PANK2: variants seen among roughly 807,000 people sequenced by gnomAD.
The protein encoded by PANK2 is pantothenate kinase 2, mitochondrial.
In PANK2, 36 loss-of-function variants were observed where a neutral mutation model predicts 43.1. That is an observed-to-expected ratio of 0.84 (90% CI 0.64 to 1.10). PANK2 has a LOEUF of 1.10. Ranked by LOEUF, PANK2 falls within the 50% of genes least tolerant of loss-of-function variation. The pLI is 0.00. For synonymous variants in PANK2, 281 were observed against 238.2 expected (o/e 1.18, Z -1.66); for missense variants, 576 against 593.3 (o/e 0.97, Z 0.30).
chr20:3,912,312 T>C, intron 3 of PANK2, 146 bp from the exon 4 acceptor site: 2 of 869,422 alleles, frequency 2.3e-6, no homozygotes, highest in South Asian at 3.0e-5. Flanking sequence ...TCAGGCACCT[T>C]ATCTTTTCAC....
chr20:3,918,708 G>A lies in PANK2; in HGVS notation c.1244G>A (p.Arg415Lys). ...GTGGTATTTGTTGGAAATTTCTTGAGAATTAATACGATCGCCATGCGGCTT... is the reference window on the plus strand; with the variant it reads ...GTGGTATTTGTTGGAAATTTCTTGAAAATTAATACGATCGCCATGCGGCTT... Residue 415 changes from arginine (R) to lysine (K), a missense_variant, in exon 6 of 7, where the codon AGA (arginine) becomes AAA (lysine). Physicochemically the swap from Arg to Lys is conservative, Grantham distance 26. This residue lies in a region of PANK2 where 32 missense variants were observed against 64.3 expected (regional missense o/e 0.50). Coordinates refer to ENST00000610179, the MANE Select transcript of PANK2 (RefSeq NM_001386393.1). The A allele has an allele frequency of 1.2e-6, 2 of 1,614,218 alleles. No individual in the cohort carries two copies. Among genetic ancestry groups the A allele is most frequent in the South Asian group, 2.2e-5 (2 of 91,086 alleles).
chr20:3,893,696 A>G (rs181270708), intron 1 of PANK2, among the ~76,000 whole-genome samples: 2 of 152,224 alleles, frequency 1.3e-5, no homozygotes, highest in East Asian at 3.9e-4. Flanking sequence ...TTGTAGCTTG[A>G]CAACACTAGC....
intron 5 of PANK2, among the ~76,000 whole-genome samples, chr20:3,917,294 G>T (rs905930192): frequency 6.6e-6 from 1 of 152,016 alleles, no homozygotes; most frequent in Non-Finnish European, 1.5e-5. Context: ...TAGAGGAAGA[G>T]TGGAAGGTAG....
chr20:3,889,424 T>A lies in PANK2; in HGVS notation c.-7T>A, dbSNP rs2090072808. ...CTGCCGCGGAGGAGGCGAGAAGGAA[T>A]CCGACGCTGGGGGGCTTGCTCGGGC... On this transcript the variant is annotated 5_prime_UTR_variant, in exon 1 of 7. Coordinates refer to ENST00000610179, the MANE Select transcript of PANK2 (RefSeq NM_001386393.1). 1 of 1,568,322 alleles carries A rather than the reference T, an allele frequency of 6.4e-7. No individual in the cohort carries two copies. Among genetic ancestry groups the A allele is most frequent in the African/African-American group, 1.3e-5 (1 of 74,168 alleles).
intron 1 of PANK2, among the ~76,000 whole-genome samples, chr20:3,896,161 A>G (rs2090203680): frequency 6.7e-6 from 1 of 149,786 alleles, no homozygotes; most frequent in Admixed American, 6.7e-5. Context: ...TCCTGGGTTC[A>G]TGCCCTTTCT....
chr20:3,914,985 GT>G (rs2090535234), intron 4 of PANK2, among the ~76,000 whole-genome samples: 1 of 152,202 alleles, frequency 6.6e-6, no homozygotes, highest in Non-Finnish European at 1.5e-5. Context: ...CTATTGCTAA[GT>G]TTTTAGTTGG....
chr20:3,923,230 G>A lies in PANK2; in HGVS notation c.1333-14G>A. ...AAGGAAAATTGCACTTATTTTTGGT[G>A]TATTTTCTTTCAGGGTTATTTTGGA... On this transcript the variant is annotated splice_polypyrimidine_tract_variant and intron_variant, in intron 6 of 6. Coordinates refer to ENST00000610179, the MANE Select transcript of PANK2 (RefSeq NM_001386393.1). 6.2e-7 allele frequency: 1 copy of A among 1,614,010 alleles called. No homozygotes were observed. Among genetic ancestry groups the A allele is most frequent in the Non-Finnish European group, 8.5e-7 (1 of 1,179,910 alleles).
intron 1 of PANK2, chr20:3,890,054 T>G: frequency 5.5e-6 from 4 of 731,904 alleles, no homozygotes; most frequent in Non-Finnish European, 8.2e-6. Flanking sequence ...AAGGCTTCTT[T>G]TGACTCATTT....
intron 1 of PANK2, among the ~76,000 whole-genome samples, chr20:3,894,764 A>G (rs1457692793): frequency 6.6e-6 from 1 of 152,066 alleles, no homozygotes; most frequent in Non-Finnish European, 1.5e-5. Flanking sequence ...CTTTAAGTGG[A>G]ACCAAAGTAA....
intron 3 of PANK2, among the ~76,000 whole-genome samples, chr20:3,911,698 C>T (rs899571915): frequency 2.6e-5 from 4 of 151,472 alleles, no homozygotes; most frequent in Non-Finnish European, 5.9e-5. Flanking sequence ...TCGAGACCAG[C>T]CTGGCCAACA....
intron 1 of PANK2, chr20:3,901,542 A>C (rs2090302099): frequency 1.2e-5 from 11 of 896,906 alleles, no homozygotes; most frequent in Non-Finnish European, 1.3e-5. Flanking sequence ...TCCCTTTTCC[A>C]ACAAGACAGA....
rs2090722538 is a variant in PANK2 at position 3,926,525 on chromosome 20, G to GA, written c.*3233dup. 6.6e-6 allele frequency: 1 copy of GA among 152,382 alleles called. No individual in the cohort carries two copies. The highest frequency in any genetic ancestry group is 6.5e-5 in the Admixed American group (1 of 15,284). 9.4% of individuals were successfully genotyped at this position (152,382 alleles called of 1,614,324 possible). ...GAGGAGAGCAGCAACGGCCACACAGGAAGGCTTTGGACGTTTTTTCTCCTG... is the reference window on the plus strand; with the variant it reads ...GAGGAGAGCAGCAACGGCCACACAGGAAAGGCTTTGGACGTTTTTTCTCCTG... On this transcript the variant is annotated 3_prime_UTR_variant, in exon 7 of 7. Transcript: ENST00000610179.
rs201863444 is a variant in PANK2 at position 3,899,163 on chromosome 20, C to T, written c.299-8763C>T. ...TGCTGGGATTACAGGCGTGAGCCAC[C>T]GTGCCCAGCCGGGTTTTTTTTTTTT... On this transcript the variant is annotated intron_variant, in intron 1 of 6. Coordinates refer to ENST00000610179, the MANE Select transcript of PANK2 (RefSeq NM_001386393.1). Among the ~76,000 whole-genome samples the T allele has an allele frequency of 3.0e-4, 44 of 147,724 alleles. No homozygotes were observed. The East Asian group carries it at 6.5e-3, about 22-fold the overall frequency.
upstream of PANK2, chr20:3,889,010 C>G (rs1053907469): frequency 1.9e-6 from 2 of 1,061,566 alleles, no homozygotes; most frequent in East Asian, 5.2e-5. Context: ...CGGCACGGAG[C>G]AGCGGGGTGG....
In PANK2 at chr20:3,905,822, TCTC is replaced by T. The variant is rs1416678988; in HGVS notation, c.299-2101_299-2099del. On this transcript the variant is annotated intron_variant, in intron 1 of 6. Coordinates refer to ENST00000610179, the MANE Select transcript of PANK2 (RefSeq NM_001386393.1). ...CCTCCACCTCCCGGGTTCAAGCAAT[TCTC>T]CTGCCTCAGCCTCCTGAGTAGCTAT... 1.7e-3 allele frequency among the ~76,000 whole-genome samples: 256 copies of T among 149,492 alleles called. 1 individual carries two copies. The highest frequency in any genetic ancestry group is 6.0e-3 in the African/African-American group (244 of 40,550).
chr20:3,909,174 G>A (rs2090431524), intron 2 of PANK2, among the ~76,000 whole-genome samples: 1 of 152,230 alleles, frequency 6.6e-6, no homozygotes, highest in East Asian at 1.9e-4. Flanking sequence ...TCCACCTCTC[G>A]GGTTCAAGCG....
intron 1 of PANK2, among the ~76,000 whole-genome samples, chr20:3,898,639 T>G (rs1311581518): frequency 6.6e-6 from 1 of 152,136 alleles, no homozygotes; most frequent in African/African-American, 2.4e-5. Context: ...TTTGATTTCC[T>G]TTTTAATCCC....
chr20:3,916,394 T>G (rs924973290), intron 4 of PANK2, among the ~76,000 whole-genome samples: 2 of 152,228 alleles, frequency 1.3e-5, no homozygotes, highest in Non-Finnish European at 2.9e-5. Context: ...TCACTTCCTT[T>G]TCTGATTGGA....
upstream of PANK2, chr20:3,889,241 C>T (rs375941298): frequency 3.1e-6 from 5 of 1,613,230 alleles, no homozygotes; most frequent in East Asian, 2.2e-5. Flanking sequence ...GTCACGATAG[C>T]CTCTCATTGG....
Sources: gnomAD v4.1 joint callset for allele counts (sites outside exome capture counted in the v4.1 genomes callset) on GRCh38, gnomAD v4.1.1 for gene constraint, gnomAD v4.1.1 regional missense constraint, MANE v1.5 for transcripts, NCBI Gene and HGNC (gene_info 2026-07-23, HGNC 2026-07-21) for gene names.